The following PCDHA2 variants were observed in gnomAD, a reference collection of about 807,000 sequenced individuals.
PCDHA2 encodes the protein protocadherin alpha-2.
Under a neutral mutation model 66.0 loss-of-function variants are expected in PCDHA2, and 58 were observed. The observed-to-expected ratio is 0.88, with a 90% CI of 0.71 to 1.09. The LOEUF is 1.09. Among genes scored for constraint, PCDHA2 ranks in the 50% least tolerant of loss-of-function variants. PCDHA2 has a pLI of 0.00. For missense variants in PCDHA2, 1,267 were observed against 1,242.3 expected, an observed-to-expected ratio of 1.02 and a Z score of -0.30; for synonymous variants, 634 against 554.0, an observed-to-expected ratio of 1.14 and a Z score of -2.03.
intron 1 of PCDHA2, chr5:140,809,467 TG>T (rs1480509139): frequency 1.2e-6 from 2 of 1,614,124 alleles, no homozygotes; most frequent in East Asian, 4.5e-5. Context: ...GGGTGTGCTC[TG>T]GTGAGGGCCC....
intron 1 of PCDHA2, chr5:140,863,693 C>T: frequency 3.3e-6 from 1 of 301,562 alleles, no homozygotes; most frequent in African/African-American, 2.2e-5. Flanking sequence ...TTTTGAGATG[C>T]TTTATTTAAA....
At chr5:140,979,350 A>T (rs113796939) in intron 2 of PCDHA2, among the ~76,000 whole-genome samples, 1,685 of 150,698 alleles carry the variant, frequency 0.011, 22 homozygotes, top group East Asian at 0.044. Flanking sequence ...TGTAATTAAT[A>T]CTCATGCTTT....
chr5:140,845,350 T>C (rs1779833131), intron 1 of PCDHA2, among the ~76,000 whole-genome samples: 1 of 149,732 alleles, frequency 6.7e-6, no homozygotes, highest in South Asian at 2.1e-4. Context: ...AAACATTTAA[T>C]TGACTTTTAC....
intron 1 of PCDHA2, among the ~76,000 whole-genome samples, chr5:140,895,206 A>G (rs948962776): frequency 6.6e-6 from 1 of 151,808 alleles, no homozygotes; most frequent in Non-Finnish European, 1.5e-5. Flanking sequence ...ATTTGCTTTT[A>G]TTTCTAATAT....
At chr5:140,824,635 T>TTTTTTTTTTTTC (rs1768301721) in intron 1 of PCDHA2, 1 of 144,392 alleles carries the variant, frequency 6.9e-6, no homozygotes, top group African/African-American at 2.7e-5. Flanking sequence ...TTTTTTTTAT[T>TTTTTTTTTTTTC]TTCTGTAGAG....
chr5:140,898,542 T>G (rs368410152), intron 1 of PCDHA2, among the ~76,000 whole-genome samples: 2 of 152,286 alleles, frequency 1.3e-5, no homozygotes, highest in East Asian at 3.9e-4. Context: ...CTGTTCCATT[T>G]ATCTATGTCT....
chr5:140,967,433 C>A, intron 1 of PCDHA2: 1 of 1,613,500 alleles, frequency 6.2e-7, no homozygotes, highest in Non-Finnish European at 8.5e-7. Context: ...GGCAGCCTTG[C>A]ACCACCTGGT....
At chr5:140,882,435 T>C in intron 1 of PCDHA2, 2 of 1,614,036 alleles carry the variant, frequency 1.2e-6, no homozygotes, top group East Asian at 4.5e-5. Context: ...GGGCTGGAGC[T>C]GGCGGAGCTG....
chr5:140,803,361 C>T (rs372773080), intron 1 of PCDHA2: 23 of 1,614,192 alleles, frequency 1.4e-5, no homozygotes, highest in Non-Finnish European at 1.9e-5. Context: ...TACTGCTCTG[C>T]GGTGCTCCGC....
At chr5:140,843,478 T>C in intron 1 of PCDHA2, 1 of 1,595,862 alleles carries the variant, frequency 6.3e-7, no homozygotes, top group Non-Finnish European at 8.6e-7. Flanking sequence ...TGCTGTACAC[T>C]GCGCTGCGGT....
chr5:140,810,316 C>G (rs1764636822), intron 1 of PCDHA2: 1 of 152,126 alleles, frequency 6.6e-6, no homozygotes, highest in South Asian at 2.1e-4. Context: ...TCTTTGATGC[C>G]CATGTACACA....
chr5:140,848,691 T>A (rs1554142358), intron 1 of PCDHA2: 1 of 1,591,900 alleles, frequency 6.3e-7, no homozygotes, highest in Non-Finnish European at 8.6e-7. Flanking sequence ...CCTGTTCCAG[T>A]TGGATTCCAA....
intron 1 of PCDHA2, chr5:140,865,001 C>T (rs185152337): frequency 6.6e-6 from 1 of 152,206 alleles, no homozygotes; most frequent in East Asian, 1.9e-4. Flanking sequence ...AGTTTGAGAC[C>T]AGCCTCGGCA....
In PCDHA2 at chr5:140,848,642, G is replaced by T. The variant is rs148369101; in HGVS notation, c.2388+51290G>T. On this transcript the variant is annotated intron_variant, in intron 1 of 3. Coordinates refer to ENST00000526136, the MANE Select transcript of PCDHA2 (RefSeq NM_018905.3). ...ACGGCACCTTCGTGGGCCGCATCGC[G>T]CAGGACCTGGGGCTGGAGCTGGCGG... 1.4e-5 allele frequency: 23 copies of T among 1,593,086 alleles called. 1 individual carries two copies. Among genetic ancestry groups the T allele is most frequent in the Admixed American group, 5.1e-5 (3 of 59,214 alleles).
rs1407676200 is a variant in PCDHA2 at position 140,843,151 on chromosome 5, G to A, written c.2388+45799G>A. 6 of 1,596,104 alleles carry A rather than the reference G, an allele frequency of 3.8e-6. 1 individual carries two copies. The highest frequency in any genetic ancestry group is 5.1e-6 in the Non-Finnish European group (6 of 1,165,608). On this transcript the variant is annotated intron_variant, in intron 1 of 3. Coordinates refer to ENST00000526136, the MANE Select transcript of PCDHA2 (RefSeq NM_018905.3). ...GCTACAACGCGTGGCTTTCGTATGA[G>A]CTGCAGCCAGCTGCAAGCAGCCCTC...
At chr5:140,822,749 G>T (rs1425005948) in intron 1 of PCDHA2, 3 of 1,613,758 alleles carry the variant, frequency 1.9e-6, no homozygotes, top group Non-Finnish European at 1.7e-6. Flanking sequence ...ATGGATAAAA[G>T]TACATTCCCA....
At chr5:140,857,325 C>G (rs200630375) in intron 1 of PCDHA2, 2 of 1,598,630 alleles carry the variant, frequency 1.3e-6, no homozygotes, top group African/African-American at 1.3e-5. Flanking sequence ...GTGGTGACCG[C>G]GCGGGACGGG....
At chr5:140,819,285 A>C (rs1309010996) in intron 1 of PCDHA2, among the ~76,000 whole-genome samples, 1 of 152,158 alleles carries the variant, frequency 6.6e-6, no homozygotes, top group East Asian at 1.9e-4. Context: ...AGAGAAGAAA[A>C]ATATAGCTTA....
At chr5:140,798,869 T>C (rs532662629) in intron 1 of PCDHA2, among the ~76,000 whole-genome samples, 2 of 152,320 alleles carry the variant, frequency 1.3e-5, no homozygotes, top group Non-Finnish European at 2.9e-5. Flanking sequence ...CTCTACTATT[T>C]AGTTCTTAGT....
Sources: gnomAD v4.1 joint callset for allele counts (sites outside exome capture counted in the v4.1 genomes callset) on GRCh38, gnomAD v4.1.1 for gene constraint, MANE v1.5 for transcripts, NCBI Gene and HGNC (gene_info 2026-07-23, HGNC 2026-07-21) for gene names.